GPD2: variants seen among roughly 807,000 people sequenced by gnomAD.
GPD2 encodes the protein glycerol-3-phosphate dehydrogenase, mitochondrial.
A neutral mutation model predicts 82.4 loss-of-function variants in GPD2; 54 were observed. The observed-to-expected ratio is 0.66, with a 90% CI of 0.53 to 0.82. The LOEUF (loss-of-function observed/expected upper bound fraction) is 0.82. GPD2 is among the 40% of genes least tolerant of loss of function. The pLI, the probability that GPD2 is intolerant of heterozygous loss-of-function variation, is 0.00. For synonymous variants in GPD2, 288 were observed against 306.1 expected (o/e 0.94, Z 0.62); for missense variants, 748 against 896.2 (o/e 0.83, Z 2.11).
rs1687526964 is a variant in GPD2, at chr2:156,569,483, A to T, written c.1421A>T (p.Asp474Val). ...GGGCTTTTCCTTCAAGGGGGTAAAG[A>T]TTGGAGCCCCACACTCTACATTAGG... ...TVGLFLQGGK[D>V]WSPTLYIRLV... Residue 474 changes from aspartate (D) to valine (V), a missense_variant, in exon 11 of 17, where the codon GAT (aspartate) becomes GTT (valine). This residue lies in a region of GPD2 where 692 missense variants were observed against 809.7 expected (regional missense o/e 0.85). Transcript: ENST00000438166. 6.2e-7 allele frequency: 1 copy of T among 1,613,018 alleles called. No individual in the cohort carries two copies. Among genetic ancestry groups the T allele is most frequent in the Non-Finnish European group, 8.5e-7 (1 of 1,179,288 alleles).
intron 9 of GPD2, among the ~76,000 whole-genome samples, chr2:156,564,180 A>T (rs1687279228): frequency 6.6e-6 from 1 of 152,124 alleles, no homozygotes; most frequent in Non-Finnish European, 1.5e-5. Context: ...AACAAGCCTC[A>T]AGAGGTGATT....
rs1397709517 is a variant in GPD2 at position 156,517,476 on chromosome 2, C to T, written c.661+3980C>T. Among the ~76,000 whole-genome samples, 5 of 152,224 alleles carry T rather than the reference C, an allele frequency of 3.3e-5. No individual in the cohort carries two copies. The East Asian group carries it at 9.6e-4, about 29-fold the overall frequency. On this transcript the variant is annotated intron_variant, in intron 6 of 16. Coordinates refer to ENST00000438166, the MANE Select transcript of GPD2 (RefSeq NM_000408.5). ...GTAAATGACATACCAGTTTTTCCTC[C>T]AGTTGTATTTCCTTCTTATATTCTG...
At position 156,437,138 on chromosome 2, in the gene GPD2, C is replaced by A. The variant is rs561732965; in HGVS notation, c.-9+625C>A. 4.9e-4 allele frequency among the ~76,000 whole-genome samples: 74 copies of A among 152,276 alleles called. 1 individual carries two copies. The highest frequency in any genetic ancestry group is 8.3e-4 in the South Asian group (4 of 4,834). ...CCAGAGTAATTTACAAACACAAATT[C>A]TTGCAAAGTGTTAGTGACATGGGCA... On this transcript the variant is annotated intron_variant, in intron 1 of 16. Transcript: ENST00000438166.
At chr2:156,523,115 G>A (rs1685473492) in intron 6 of GPD2, among the ~76,000 whole-genome samples, 1 of 152,078 alleles carries the variant, frequency 6.6e-6, no homozygotes, top group Non-Finnish European at 1.5e-5. Context: ...AGAGTCCATA[G>A]TCTACATGAA....
Position 156,585,590 on chromosome 2 carries a change from A to G in GPD2, c.*2672A>G, listed in dbSNP as rs1365083534. Reference sequence around the variant, plus strand: ...TGAGTGTAACTTTAGGATTTCTGCTATTAAATGCATGCTCTCTATCCTGCT... The same window carrying G: ...TGAGTGTAACTTTAGGATTTCTGCTGTTAAATGCATGCTCTCTATCCTGCT... On this transcript the variant is annotated 3_prime_UTR_variant, in exon 17 of 17. Coordinates refer to ENST00000438166, the MANE Select transcript of GPD2 (RefSeq NM_000408.5). The G allele has an allele frequency of 2.0e-5, 3 of 152,434 alleles. No homozygotes were observed. The East Asian group carries it at 5.8e-4, about 30-fold the overall frequency. 9.4% of individuals were successfully genotyped at this position (152,434 alleles called of 1,614,324 possible). A position where few individuals can be genotyped will look rare whatever the true frequency, so the allele number is the denominator to read the frequency against.
chr2:156,416,329 A>G, the GPD2 span, among the ~76,000 whole-genome samples: 4 of 151,206 alleles, frequency 2.6e-5, no homozygotes, highest in Non-Finnish European at 5.9e-5. Flanking sequence ...TTCGTTAACT[A>G]TTTAGGTCAT....
chr2:156,577,194 A>G (rs192260735), intron 13 of GPD2, among the ~76,000 whole-genome samples: 23 of 152,310 alleles, frequency 1.5e-4, no homozygotes, highest in African/African-American at 4.8e-4. Context: ...AGAAAAATCA[A>G]CTGATGGCTG....
At chr2:156,540,509 T>C (rs1686266418) in intron 6 of GPD2, among the ~76,000 whole-genome samples, 1 of 152,222 alleles carries the variant, frequency 6.6e-6, no homozygotes, top group African/African-American at 2.4e-5. Context: ...GAGACAGTTA[T>C]CTGCTATGGA....
At chr2:156,471,902 T>C (rs939374573) in intron 1 of GPD2, among the ~76,000 whole-genome samples, 21 of 152,218 alleles carry the variant, frequency 1.4e-4, no homozygotes, top group African/African-American at 5.1e-4. Flanking sequence ...TGAGCACCAT[T>C]TGTTTAGGTT....
rs60643688 is a variant in GPD2 at position 156,493,958 on chromosome 2, G to GTGTGTGTGTGTATA, written c.103-2085_103-2084insGTGTGTGTGTATAT. ...TGTGTGTGTGTGTGTGTGTGTGTGTGTATAATTTTTTTCCTCATTAGATGG... is the reference window on the plus strand; with the variant it reads ...TGTGTGTGTGTGTGTGTGTGTGTGTGTGTGTGTGTGTATATATAATTTTTTTCCTCATTAGATGG... On this transcript the variant is annotated intron_variant, in intron 2 of 16. Transcript: ENST00000438166. 3.5e-5 allele frequency among the ~76,000 whole-genome samples: 5 copies of GTGTGTGTGTGTATA among 143,520 alleles called. No individual in the cohort carries two copies. In the South Asian group the frequency reaches 9.2e-4, roughly 26 times the overall value. 94.2% of individuals were successfully genotyped at this position (143,520 alleles called of 152,430 possible).
At chr2:156,433,143 G>T (rs1688336927), upstream of GPD2, among the ~76,000 whole-genome samples, 2 of 152,086 alleles carry the variant, frequency 1.3e-5, no homozygotes, top group Admixed American at 6.6e-5. Context: ...TCATTCCTGG[G>T]CGTAGGCTGA....
rs553808602 is a variant in GPD2, at chr2:156,452,679, G to A, written c.-9+16166G>A. Reference sequence around the variant, plus strand: ...AAGGGAGGGTTTGTTAGAACTAGAGGATAATACAGTGAATTTCTATGCTGA... The same window carrying A: ...AAGGGAGGGTTTGTTAGAACTAGAGAATAATACAGTGAATTTCTATGCTGA... On this transcript the variant is annotated intron_variant, in intron 1 of 16. Transcript: ENST00000438166. Among the ~76,000 whole-genome samples, 12 of 152,314 alleles carry A rather than the reference G, an allele frequency of 7.9e-5. No homozygotes were observed. The South Asian group carries it at 2.5e-3, about 32-fold the overall frequency.
the GPD2 span, among the ~76,000 whole-genome samples, chr2:156,429,205 G>C: frequency 6.6e-6 from 1 of 152,188 alleles, no homozygotes; most frequent in Non-Finnish European, 1.5e-5. Context: ...ATGTGGGACT[G>C]AACAAATCTC....
At chr2:156,571,097 A>T in intron 12 of GPD2, 37 bp from the exon 13 acceptor site, 1 of 1,281,534 alleles carries the variant, frequency 7.8e-7, no homozygotes, top group Non-Finnish European at 1.1e-6. Flanking sequence ...TCTAAAGAAG[A>T]GTCTCAACTA....
the GPD2 span, among the ~76,000 whole-genome samples, chr2:156,421,682 A>C: frequency 9.2e-5 from 14 of 152,200 alleles, no homozygotes; most frequent in Non-Finnish European, 1.3e-4. Context: ...GTCTTGCCTT[A>C]GAGTATGATG....
rs1009462308 is a variant in GPD2 at position 156,557,121 on chromosome 2, A to C, written c.972-268A>C. 2.0e-5 allele frequency among the ~76,000 whole-genome samples: 3 copies of C among 152,276 alleles called. No homozygotes were observed. The East Asian group carries it at 5.8e-4, about 29-fold the overall frequency. On this transcript the variant is annotated intron_variant, in intron 8 of 16. Transcript: ENST00000438166. Reference sequence around the variant, plus strand: ...GTAGGAAGTTGAAGCCCACTTTCTTAATTAGCCTTGCATTGTTGAAGTGGG... The same window carrying C: ...GTAGGAAGTTGAAGCCCACTTTCTTCATTAGCCTTGCATTGTTGAAGTGGG...
At chr2:156,532,394 A>G (rs1400864716) in intron 6 of GPD2, among the ~76,000 whole-genome samples, 1 of 152,204 alleles carries the variant, frequency 6.6e-6, no homozygotes, top group African/African-American at 2.4e-5. Context: ...AGGTATAATC[A>G]AGGGCCTTCT....
chr2:156,412,618 TA>T, the GPD2 span, among the ~76,000 whole-genome samples: 1 of 152,146 alleles, frequency 6.6e-6, no homozygotes, highest in Non-Finnish European at 1.5e-5. Flanking sequence ...TTAAATGGGC[TA>T]ATGCACATAA....
chr2:156,485,254 A>G (rs1376279708), intron 2 of GPD2, among the ~76,000 whole-genome samples: 1 of 152,198 alleles, frequency 6.6e-6, no homozygotes, highest in African/African-American at 2.4e-5. Context: ...TTAAAATCAA[A>G]TAAAATGGCC....
Sources: gnomAD v4.1 joint callset for allele counts (sites outside exome capture counted in the v4.1 genomes callset) on GRCh38, gnomAD v4.1.1 for gene constraint, gnomAD v4.1.1 regional missense constraint, MANE v1.5 for transcripts, NCBI Gene and HGNC (gene_info 2026-07-23, HGNC 2026-07-21) for gene names.